Variants in KCNIP1 observed in about 807,000 individuals in gnomAD.
KCNIP1 encodes the protein potassium voltage-gated channel interacting protein 1.
A neutral mutation model predicts 33.0 loss-of-function variants in KCNIP1; 18 were observed. The ratio of observed to expected loss-of-function variants is 0.55; its 90% CI spans 0.38 to 0.81. The LOEUF is 0.81. KCNIP1 is among the 30% of genes least tolerant of loss of function. The pLI is 0.00. For synonymous variants in KCNIP1, 93 were observed against 98.3 expected (o/e 0.95, Z 0.32); for missense variants, 238 against 271.6 (o/e 0.88, Z 0.87).
chr5:170,526,404 G>A (rs1452587758), intron 1 of KCNIP1, among the ~76,000 whole-genome samples: 3 of 152,216 alleles, frequency 2.0e-5, no homozygotes, highest in Non-Finnish European at 4.4e-5. Context: ...ACTCAGGCCT[G>A]TCGGGTTCCA....
At chr5:170,646,413 C>A (rs1483179579) in intron 1 of KCNIP1, among the ~76,000 whole-genome samples, 1 of 152,080 alleles carries the variant, frequency 6.6e-6, no homozygotes, top group Non-Finnish European at 1.5e-5. Flanking sequence ...GAGATTTATC[C>A]CAGTTATGCA....
intron 1 of KCNIP1, among the ~76,000 whole-genome samples, chr5:170,532,663 G>C (rs979048902): frequency 1.3e-5 from 2 of 152,086 alleles, no homozygotes; most frequent in African/African-American, 4.8e-5. Flanking sequence ...GTGGTGCCAT[G>C]GATCACAGGT....
chr5:170,692,595 G>C (rs1180262019), intron 1 of KCNIP1, among the ~76,000 whole-genome samples: 1 of 152,182 alleles, frequency 6.6e-6, no homozygotes, highest in Admixed American at 6.5e-5. Flanking sequence ...AATCACTTAA[G>C]CTGTCTGAGA....
chr5:170,488,542 G>A (rs1002403924), intron 1 of KCNIP1, among the ~76,000 whole-genome samples: 9 of 152,234 alleles, frequency 5.9e-5, no homozygotes, highest in African/African-American at 2.2e-4. Flanking sequence ...ATATTCATTT[G>A]TTCATCTGCT....
chr5:170,527,705 G>A (rs1170853849), intron 1 of KCNIP1, among the ~76,000 whole-genome samples: 4 of 150,294 alleles, frequency 2.7e-5, no homozygotes, highest in Admixed American at 6.7e-5. Context: ...TCTGATGTGG[G>A]AGAGTCACTG....
chr5:170,644,553 G>T (rs1201167706), intron 1 of KCNIP1, among the ~76,000 whole-genome samples: 1 of 152,206 alleles, frequency 6.6e-6, no homozygotes. Flanking sequence ...ACCCAGGCAG[G>T]TCACCAAGTA....
chr5:170,572,983 G>A (rs1315356337), intron 1 of KCNIP1, among the ~76,000 whole-genome samples: 1 of 152,180 alleles, frequency 6.6e-6, no homozygotes, highest in Non-Finnish European at 1.5e-5. Flanking sequence ...AGGAGCCTTG[G>A]CAGTAACATT....
intron 1 of KCNIP1, among the ~76,000 whole-genome samples, chr5:170,674,975 G>T (rs199693240): frequency 2.0e-4 from 29 of 145,858 alleles, no homozygotes; most frequent in South Asian, 1.1e-3. Flanking sequence ...GTTTTGTTTT[G>T]TTTTTTTTTT....
At chr5:170,636,732 G>T (rs1760296815) in intron 1 of KCNIP1, among the ~76,000 whole-genome samples, 2 of 152,248 alleles carry the variant, frequency 1.3e-5, no homozygotes, top group Middle Eastern at 6.8e-3. Flanking sequence ...GGGGGCTCAA[G>T]GTGGGGGTCA....
At chr5:170,717,843 G>A (rs895926855) in intron 1 of KCNIP1, among the ~76,000 whole-genome samples, 1 of 152,184 alleles carries the variant, frequency 6.6e-6, no homozygotes, top group African/African-American at 2.4e-5. Context: ...GATGGATTTG[G>A]TAATATCTGC....
At chr5:170,612,481 C>G (rs1320623641) in intron 1 of KCNIP1, among the ~76,000 whole-genome samples, 2 of 152,222 alleles carry the variant, frequency 1.3e-5, no homozygotes, top group African/African-American at 4.8e-5. Context: ...GAGCCTATGG[C>G]TGAAACCTCA....
intron 1 of KCNIP1, among the ~76,000 whole-genome samples, chr5:170,691,091 C>G (rs1040153085): frequency 1.2e-4 from 19 of 152,274 alleles, no homozygotes; most frequent in Admixed American, 1.0e-3. Context: ...GCGACCTAGC[C>G]AAGGCTACAG....
chr5:170,390,802 A>T (rs1754555510), intron 1 of KCNIP1, among the ~76,000 whole-genome samples: 1 of 151,928 alleles, frequency 6.6e-6, no homozygotes, highest in Non-Finnish European at 1.5e-5. Flanking sequence ...TCGATCATAC[A>T]GTAAGCTGCC....
At chr5:170,395,013 G>T (rs1160672455) in intron 1 of KCNIP1, among the ~76,000 whole-genome samples, 1 of 152,188 alleles carries the variant, frequency 6.6e-6, no homozygotes, top group Non-Finnish European at 1.5e-5. Context: ...GGGCACCAAG[G>T]TTGTTTCCAC....
At chr5:170,608,822 A>G (rs1759033940) in intron 1 of KCNIP1, among the ~76,000 whole-genome samples, 1 of 152,108 alleles carries the variant, frequency 6.6e-6, no homozygotes, top group Non-Finnish European at 1.5e-5. Context: ...TGCTCAGAGA[A>G]ATGATGGCCA....
chr5:170,720,418 C>T lies in KCNIP1; in HGVS notation c.256+28C>T, dbSNP rs115868327. On this transcript the variant is annotated intron_variant, in intron 3 of 7. Transcript: ENST00000328939. ...GAGTCTGACCTTGAAATCTATCTTG[C>T]CCAGCTCCCTCTCTGGTAAGCAGCC... 1,029 of 1,545,630 alleles carry T rather than the reference C, an allele frequency of 6.7e-4. 5 individuals carry two copies. In the African/African-American group the frequency reaches 0.012, roughly 18 times the overall value.
At chr5:170,446,277 T>A (rs1233479299) in intron 1 of KCNIP1, among the ~76,000 whole-genome samples, 1 of 152,200 alleles carries the variant, frequency 6.6e-6, no homozygotes, top group Non-Finnish European at 1.5e-5. Context: ...TATTGAGTAG[T>A]GCAGTGAGAC....
chr5:170,396,285 C>T (rs1754761129), intron 1 of KCNIP1, among the ~76,000 whole-genome samples: 1 of 152,128 alleles, frequency 6.6e-6, no homozygotes, highest in Non-Finnish European at 1.5e-5. Flanking sequence ...GGGGATGCTC[C>T]CAGCCTGGGG....
intron 1 of KCNIP1, among the ~76,000 whole-genome samples, chr5:170,575,460 T>G (rs1015853553): frequency 6.6e-6 from 1 of 152,236 alleles, no homozygotes; most frequent in African/African-American, 2.4e-5. Flanking sequence ...TCAATCTCAG[T>G]TACATAGGGA....
Sources: allele counts gnomAD v4.1 joint callset (sites outside exome capture counted in the v4.1 genomes callset), GRCh38; gene constraint gnomAD v4.1.1; transcripts MANE v1.5; gene names NCBI Gene and HGNC (gene_info 2026-07-23, HGNC 2026-07-21).